Variants in CEP164 observed in about 807,000 individuals in gnomAD.
CEP164 encodes centrosomal protein of 164 kDa.
In CEP164, 162 loss-of-function variants were observed where a neutral mutation model predicts 182.7. The ratio of observed to expected loss-of-function variants is 0.89; its 90% CI spans 0.78 to 1.01. The LOEUF is 1.01. CEP164 is among the 50% of genes least tolerant of loss of function. CEP164 has a pLI of 0.00. For synonymous variants in CEP164, 661 were observed against 690.0 expected (o/e 0.96, Z 0.66); for missense variants, 1,735 against 1,790.4 (o/e 0.97, Z 0.56).
intron 7 of CEP164, among the ~76,000 whole-genome samples, 195 bp from the exon 8 acceptor site, chr11:117,363,234 G>T (rs1445680719): frequency 6.6e-6 from 1 of 152,198 alleles, no homozygotes; most frequent in Non-Finnish European, 1.5e-5. Flanking sequence ...CTTGCTTGTT[G>T]CACAGCATAG....
At chr11:117,376,299 C>G (rs577441024) in intron 11 of CEP164, among the ~76,000 whole-genome samples, 1 of 152,290 alleles carries the variant, frequency 6.6e-6, no homozygotes, top group Admixed American at 6.5e-5. Context: ...TGAATTGTTC[C>G]CTTTCTTTGC....
chr11:117,367,417 T>C (rs1386861231), intron 8 of CEP164, among the ~76,000 whole-genome samples: 1 of 152,250 alleles, frequency 6.6e-6, no homozygotes, highest in Non-Finnish European at 1.5e-5. Flanking sequence ...GAGCCCATCA[T>C]GTGAAAATTT....
chr11:117,352,088 G>T (rs758579846), intron 5 of CEP164, 100 bp downstream of exon 5: 5 of 969,550 alleles, frequency 5.2e-6, no homozygotes, highest in Non-Finnish European at 7.6e-6. Context: ...GAAGACAACA[G>T]TCAGAATATG....
rs556399650 is a variant in CEP164, at chr11:117,395,636, T to C, written c.3003T>C (p.Leu1001=). ...LQSNQQLREI[L]DELQARKLKL... is the part of the protein sequence containing the mutation. ...CAAACCAGCAGCTCCGAGAAATTCT[T>C]GATGAGCTGCAGGCCCGCAAGCTGA... Residue 1001 remains leucine (L), a synonymous_variant, in exon 24 of 33, where the codon CTT becomes CTC. Transcript: ENST00000278935. 6.2e-7 allele frequency: 1 copy of C among 1,613,882 alleles called. No homozygotes were observed. Among genetic ancestry groups the C allele is most frequent in the East Asian group, 2.2e-5 (1 of 44,870 alleles).
chr11:117,356,338 C>A, intron 5 of CEP164: 1 of 1,161,766 alleles, frequency 8.6e-7, no homozygotes, highest in Non-Finnish European at 1.1e-6. Context: ...GCAGACACAG[C>A]GCCAGCACAG....
intron 8 of CEP164, among the ~76,000 whole-genome samples, chr11:117,366,056 C>T (rs1162021697): frequency 6.6e-6 from 1 of 152,044 alleles, no homozygotes; most frequent in African/African-American, 2.4e-5. Flanking sequence ...CTCTAGCATC[C>T]CCGCAGATTT....
chr11:117,403,747 G>A (rs764325415), intron 27 of CEP164, among the ~76,000 whole-genome samples: 5 of 152,112 alleles, frequency 3.3e-5, no homozygotes, highest in African/African-American at 9.7e-5. Flanking sequence ...CCTGAAGAGC[G>A]TTTTCCAACT....
At chr11:117,365,111 G>T (rs2041469034) in intron 8 of CEP164, among the ~76,000 whole-genome samples, 1 of 152,196 alleles carries the variant, frequency 6.6e-6, no homozygotes, top group Non-Finnish European at 1.5e-5. Context: ...CAGGCTTTGT[G>T]CCTAGAAGGT....
chr11:117,334,301 C>T (rs916513222), intron 1 of CEP164, among the ~76,000 whole-genome samples: 4 of 152,230 alleles, frequency 2.6e-5, no homozygotes, highest in African/African-American at 4.8e-5. Flanking sequence ...TCTGTTCCCA[C>T]GTTCCTTTTT....
At chr11:117,383,921 A>G (rs2043642190) in intron 14 of CEP164, among the ~76,000 whole-genome samples, 1 of 152,342 alleles carries the variant, frequency 6.6e-6, no homozygotes, top group Admixed American at 6.5e-5. Flanking sequence ...CTATAATCCC[A>G]GCTACTTGGA....
At chr11:117,351,436 A>G (rs180900155) in intron 4 of CEP164, among the ~76,000 whole-genome samples, 25 of 152,312 alleles carry the variant, frequency 1.6e-4, no homozygotes, top group Admixed American at 1.6e-3. Flanking sequence ...TCAACATACC[A>G]TAGTTTTTAT....
chr11:117,394,530 C>T lies in CEP164; in HGVS notation c.2760+37C>T. ...GGGGCAGGGTGAGCCCACTGTGACC[C>T]CTCCATGCACAGTAGGAAGGTGCTG... On this transcript the variant is annotated intron_variant, in intron 21 of 32. Transcript: ENST00000278935. This position sits in a 1 kb window ranked among gnomAD's most constrained non-coding sequence, Gnocchi z 4.0. 6.2e-7 allele frequency: 1 copy of T among 1,608,694 alleles called. No homozygotes were observed.
In CEP164 at chr11:117,394,908, C is replaced by G; in HGVS notation, c.2761-12C>G. 1 of 1,613,762 alleles carries G rather than the reference C, an allele frequency of 6.2e-7. No individual in the cohort carries two copies. Among genetic ancestry groups the G allele is most frequent in the Non-Finnish European group, 8.5e-7 (1 of 1,179,802 alleles). ...ACTCTTTCTATGCTTATGTGTTTCCCTTTCTGGGCAGGAAAGGAAGCTCCA... is the reference window on the plus strand; with the variant it reads ...ACTCTTTCTATGCTTATGTGTTTCCGTTTCTGGGCAGGAAAGGAAGCTCCA... On this transcript the variant is annotated splice_polypyrimidine_tract_variant and intron_variant, in intron 21 of 32. Coordinates refer to ENST00000278935, the MANE Select transcript of CEP164 (RefSeq NM_014956.5). The surrounding 1 kb of genome is among the most constrained non-coding windows in gnomAD (Gnocchi z 4.0).
rs2040156798 is a variant in CEP164, at chr11:117,355,074, G to A, written c.393+3086G>A. The A allele has an allele frequency of 3.9e-6, 5 of 1,289,696 alleles. No homozygotes were observed. The African/African-American group carries it at 6.1e-5, about 16-fold the overall frequency. The allele number at this position is 1,289,696 out of a possible 1,614,324, so 79.9% of individuals were successfully genotyped here. ...GAGGGATCCTATAACAAAGGAAAGAGCCCAGGCATGCTGGGTGACACTCCC... is the reference window on the plus strand; with the variant it reads ...GAGGGATCCTATAACAAAGGAAAGAACCCAGGCATGCTGGGTGACACTCCC... On this transcript the variant is annotated intron_variant, in intron 5 of 32. Transcript: ENST00000278935.
chr11:117,403,308 G>A (rs886190778), intron 27 of CEP164, among the ~76,000 whole-genome samples: 7 of 152,182 alleles, frequency 4.6e-5, no homozygotes, highest in Admixed American at 6.5e-5. Context: ...GGCTGGTAGC[G>A]GTTGTTCCTT....
At chr11:117,382,605 T>G in intron 13 of CEP164, 191 bp from the exon 14 acceptor site, 1 of 612,586 alleles carries the variant, frequency 1.6e-6, no homozygotes, top group Non-Finnish European at 2.8e-6. Flanking sequence ...GAGGCAGGAG[T>G]CTCTAGTCTT....
At chr11:117,368,708 G>C (rs1565503360) in intron 8 of CEP164, among the ~76,000 whole-genome samples, 1 of 152,214 alleles carries the variant, frequency 6.6e-6, no homozygotes, top group Non-Finnish European at 1.5e-5. Context: ...CCACAGACTG[G>C]ATATGAGCTT....
At chr11:117,350,962 A>AT (rs1373255810) in intron 4 of CEP164, among the ~76,000 whole-genome samples, 1 of 152,178 alleles carries the variant, frequency 6.6e-6, no homozygotes, top group Admixed American at 6.5e-5. Context: ...TGAAAAACAG[A>AT]TTCTTGAAAT....
At position 117,394,126 on chromosome 11, in the gene CEP164, G is replaced by A. The variant is rs989852777; in HGVS notation, c.2617-224G>A. 6.6e-6 allele frequency among the ~76,000 whole-genome samples: 1 copy of A among 152,272 alleles called. No homozygotes were observed. The highest frequency in any genetic ancestry group is 1.5e-5 in the Non-Finnish European group (1 of 68,052). On this transcript the variant is annotated intron_variant, in intron 20 of 32. Transcript: ENST00000278935. This position sits in a 1 kb window ranked among gnomAD's most constrained non-coding sequence, Gnocchi z 4.0. ...GGGAGAGCCAGAAAGGGAATCTGTCGTGGTGTCTGACCAGCCTCTGCTTCA... is the reference window on the plus strand; with the variant it reads ...GGGAGAGCCAGAAAGGGAATCTGTCATGGTGTCTGACCAGCCTCTGCTTCA...
Sources: gnomAD v4.1 joint callset for allele counts (sites outside exome capture counted in the v4.1 genomes callset) on GRCh38, gnomAD v4.1.1 for gene constraint, Gnocchi (gnomAD v3.1) non-coding constraint, MANE v1.5 for transcripts, NCBI Gene and HGNC (gene_info 2026-07-23, HGNC 2026-07-21) for gene names.